The following STON2 variants were observed in gnomAD, a reference collection of about 807,000 sequenced individuals.
STON2 encodes stonin 2.
A neutral mutation model predicts 65.7 loss-of-function variants in STON2; 29 were observed. That is an observed-to-expected ratio of 0.44 (90% CI 0.33 to 0.60). STON2 has a LOEUF of 0.60. Ranked by LOEUF, STON2 falls within the 20% of genes least tolerant of loss-of-function variation. The pLI is 0.03. For synonymous variants in STON2, 404 were observed against 414.2 expected (o/e 0.98, Z 0.30); for missense variants, 1,054 against 1,118.1 (o/e 0.94, Z 0.82).
intron 4 of STON2, among the ~76,000 whole-genome samples, chr14:81,357,551 T>C (rs1408835512): frequency 1.3e-5 from 2 of 151,636 alleles, no homozygotes; most frequent in African/African-American, 4.8e-5. Context: ...CATTACTGGG[T>C]ATATACCCAA....
intron 2 of STON2, among the ~76,000 whole-genome samples, chr14:81,426,674 C>T (rs1366484959): frequency 6.6e-6 from 1 of 152,196 alleles, no homozygotes; most frequent in East Asian, 1.9e-4. Flanking sequence ...CCCCCTCGCC[C>T]GAAACATCGA....
At chr14:81,304,737 A>G (rs1305479956) in intron 5 of STON2, among the ~76,000 whole-genome samples, 2 of 152,084 alleles carry the variant, frequency 1.3e-5, no homozygotes, top group African/African-American at 4.8e-5. Flanking sequence ...GGAAAAAAGG[A>G]AGGAAGGGAG....
chr14:81,367,375 C>T (rs1050866158), intron 4 of STON2, among the ~76,000 whole-genome samples: 1 of 152,032 alleles, frequency 6.6e-6, no homozygotes, highest in African/African-American at 2.4e-5. Flanking sequence ...CGGGGTTTCA[C>T]CATGTTGGCC....
At position 81,296,416 on chromosome 14, in the gene STON2, T is replaced by C. The variant is rs371996269; in HGVS notation, c.743-17677A>G. ...AAGACTTCTATTTTCAAATCTAAAGTTTCCTGCCTGGCTGTGACACACCAT... is the reference window on the plus strand; with the variant it reads ...AAGACTTCTATTTTCAAATCTAAAGCTTCCTGCCTGGCTGTGACACACCAT... On this transcript the variant is annotated intron_variant, in intron 5 of 7. Transcript: ENST00000614646. 1.1e-4 allele frequency among the ~76,000 whole-genome samples: 17 copies of C among 152,226 alleles called. No individual in the cohort carries two copies. In the South Asian group the frequency reaches 3.3e-3, roughly 30 times the overall value.
intron 4 of STON2, among the ~76,000 whole-genome samples, chr14:81,367,324 G>A (rs1413932080): frequency 3.9e-5 from 6 of 152,090 alleles, no homozygotes; most frequent in South Asian, 4.1e-4. Context: ...AATTACAGGC[G>A]CGCCACTATG....
intron 6 of STON2, among the ~76,000 whole-genome samples, chr14:81,273,557 G>A (rs1207581073): frequency 6.6e-6 from 1 of 152,128 alleles, no homozygotes; most frequent in Non-Finnish European, 1.5e-5. Context: ...AAAAACTCTT[G>A]GGATGAAGGT....
chr14:81,376,928 C>T (rs1178166657), intron 3 of STON2, among the ~76,000 whole-genome samples: 4 of 152,108 alleles, frequency 2.6e-5, no homozygotes, highest in Admixed American at 2.6e-4. Flanking sequence ...CTTGAATTCC[C>T]GTCCTCTAAT....
chr14:81,415,246 G>C (rs1901369524), intron 2 of STON2, among the ~76,000 whole-genome samples: 1 of 151,322 alleles, frequency 6.6e-6, no homozygotes, highest in African/African-American at 2.4e-5. Context: ...ACCTTATGAG[G>C]TAGGTACTAT....
rs76348487 is a variant in STON2, at chr14:81,414,208, G to A, written c.-199+12894C>T. ...AAAGTAAGCATTTCTTTTTAAATATGATACATTTGGGATGCTCATTAGACA... is the reference window on the plus strand; with the variant it reads ...AAAGTAAGCATTTCTTTTTAAATATAATACATTTGGGATGCTCATTAGACA... On this transcript the variant is annotated intron_variant, in intron 2 of 8. Transcript: ENST00000553821. 2.8e-3 allele frequency among the ~76,000 whole-genome samples: 274 copies of A among 99,158 alleles called. 66 individuals are homozygous for A. Among genetic ancestry groups the A allele is most frequent in the African/African-American group, 0.015 (265 of 17,428 alleles). The allele number at this position is 99,158 out of a possible 152,430, so 65.1% of individuals were successfully genotyped here. A position where few individuals can be genotyped will look rare whatever the true frequency, so the allele number is the denominator to read the frequency against.
At chr14:81,423,357 A>C (rs1241854310) in intron 2 of STON2, among the ~76,000 whole-genome samples, 2 of 152,170 alleles carry the variant, frequency 1.3e-5, no homozygotes, top group Admixed American at 1.3e-4. Context: ...ACATACATGC[A>C]ACATTAATTA....
At chr14:81,409,932 G>A (rs892690983) in intron 2 of STON2, among the ~76,000 whole-genome samples, 4 of 152,192 alleles carry the variant, frequency 2.6e-5, no homozygotes, top group African/African-American at 9.7e-5. Context: ...GAGATACAGT[G>A]AGAAATATAG....
intron 4 of STON2, among the ~76,000 whole-genome samples, chr14:81,336,310 T>C (rs1314672671): frequency 1.3e-5 from 2 of 152,072 alleles, no homozygotes; most frequent in Admixed American, 6.6e-5. Context: ...GTGGGTATCC[T>C]TGTTACCACA....
Position 81,414,771 on chromosome 14 carries a change from A to T in STON2, c.-199+12331T>A, listed in dbSNP as rs1043733827. On this transcript the variant is annotated intron_variant, in intron 2 of 8. Transcript: ENST00000553821. ...ATTTCCTGACACCGCAGCCCATTTA[A>T]TATTGATTAAAAGAGTAATTATTAA... Among the ~76,000 whole-genome samples, 5 of 152,198 alleles carry T rather than the reference A, an allele frequency of 3.3e-5. No individual in the cohort carries two copies. In the East Asian group the frequency reaches 9.6e-4, roughly 29 times the overall value.
intron 4 of STON2, among the ~76,000 whole-genome samples, chr14:81,344,633 G>C (rs1897744324): frequency 6.6e-6 from 1 of 152,028 alleles, no homozygotes; most frequent in Non-Finnish European, 1.5e-5. Context: ...TTACTTCCTT[G>C]GGATAAACTA....
chr14:81,263,987 G>A lies in STON2; in HGVS notation c.*4427C>T, dbSNP rs776517644. On this transcript the variant is annotated 3_prime_UTR_variant, in exon 8 of 8. Coordinates refer to ENST00000614646, the MANE Select transcript of STON2 (RefSeq NM_001394390.1). Reference sequence around the variant, plus strand: ...GGTGACAAAATAAATGCAAAGTAACGGTCAGCGGTTAGTGCTGGAAGAACA... The same window carrying A: ...GGTGACAAAATAAATGCAAAGTAACAGTCAGCGGTTAGTGCTGGAAGAACA... The A allele has an allele frequency of 7.1e-5, 70 of 985,302 alleles. No individual in the cohort carries two copies. The highest frequency in any genetic ancestry group is 9.4e-5 in the South Asian group (2 of 21,276). The allele number at this position is 985,302 out of a possible 1,614,324, so 61.0% of individuals were successfully genotyped here. A position where few individuals can be genotyped will look rare whatever the true frequency, so the allele number is the denominator to read the frequency against.
chr14:81,417,500 T>C (rs1221858471), intron 2 of STON2, among the ~76,000 whole-genome samples: 3 of 152,144 alleles, frequency 2.0e-5, no homozygotes, highest in East Asian at 1.9e-4. Flanking sequence ...GCTTGGGTGA[T>C]AGGAGAATAG....
intron 2 of STON2, among the ~76,000 whole-genome samples, chr14:81,419,121 T>C (rs1188165288): frequency 2.0e-5 from 3 of 152,228 alleles, no homozygotes; most frequent in Non-Finnish European, 4.4e-5. Flanking sequence ...TCTCATATTG[T>C]ATTTTAAAGA....
chr14:81,364,001 G>A (rs1898611649), intron 4 of STON2, among the ~76,000 whole-genome samples: 2 of 152,134 alleles, frequency 1.3e-5, no homozygotes, highest in South Asian at 2.1e-4. Context: ...AAATAATGAC[G>A]AGAACCTTTC....
At chr14:81,407,406 T>C (rs1393008892) in intron 2 of STON2, among the ~76,000 whole-genome samples, 1 of 152,172 alleles carries the variant, frequency 6.6e-6, no homozygotes, top group Non-Finnish European at 1.5e-5. Flanking sequence ...GCTGGGAAAA[T>C]GATTTATTTT....
Sources: gnomAD v4.1 joint callset for allele counts (sites outside exome capture counted in the v4.1 genomes callset) on GRCh38, gnomAD v4.1.1 for gene constraint, MANE v1.5 for transcripts, NCBI Gene and HGNC (gene_info 2026-07-23, HGNC 2026-07-21) for gene names.